The following GALNT17 variants were observed in gnomAD, a reference collection of about 807,000 sequenced individuals.
The protein encoded by GALNT17 is UDP-GalNAc:polypeptide N-acetylgalactosaminyltransferase-like 3.
A neutral mutation model predicts 63.7 loss-of-function variants in GALNT17; 29 were observed. That is an observed-to-expected ratio of 0.46 (90% CI 0.34 to 0.62). The LOEUF (loss-of-function observed/expected upper bound fraction) is 0.62. GALNT17 is among the 20% of genes least tolerant of loss of function. The probability of loss-of-function intolerance (pLI) is 0.01; values close to 1 mark genes in which losing one functional copy is unlikely to be tolerated. For synonymous variants in GALNT17, 305 were observed against 318.3 expected, an observed-to-expected ratio of 0.96 and a Z score of 0.45; for missense variants, 603 against 799.6, an observed-to-expected ratio of 0.75 and a Z score of 2.97.
At chr7:71,454,865 T>C (rs1181416717) in intron 5 of GALNT17, among the ~76,000 whole-genome samples, 1 of 152,092 alleles carries the variant, frequency 6.6e-6, no homozygotes, top group African/African-American at 2.4e-5. Context: ...CAGTGGTCTC[T>C]TATCAAGAAG....
intron 1 of GALNT17, among the ~76,000 whole-genome samples, chr7:71,200,120 C>T (rs945422196): frequency 2.0e-5 from 3 of 152,062 alleles, no homozygotes; most frequent in African/African-American, 7.2e-5. Flanking sequence ...TCAATTCCTT[C>T]CAAGGAAGCT....
intron 5 of GALNT17, among the ~76,000 whole-genome samples, chr7:71,506,841 G>C (rs1225875027): frequency 6.6e-6 from 1 of 152,208 alleles, no homozygotes; most frequent in Non-Finnish European, 1.5e-5. Flanking sequence ...CTTCCCATCT[G>C]TTAGGTTGGT....
At chr7:71,135,696 C>T (rs996623856) in intron 1 of GALNT17, among the ~76,000 whole-genome samples, 1 of 152,200 alleles carries the variant, frequency 6.6e-6, no homozygotes, top group Non-Finnish European at 1.5e-5. Flanking sequence ...GGCCCTCGAC[C>T]CACTGCCCAA....
chr7:71,476,007 A>G (rs1787717049), intron 5 of GALNT17, among the ~76,000 whole-genome samples: 1 of 152,148 alleles, frequency 6.6e-6, no homozygotes, highest in Non-Finnish European at 1.5e-5. Flanking sequence ...AATAATTATC[A>G]TCATCATCAT....
intron 1 of GALNT17, among the ~76,000 whole-genome samples, chr7:71,255,247 G>A (rs758430906): frequency 4.6e-5 from 7 of 152,192 alleles, no homozygotes; most frequent in Admixed American, 3.9e-4. Context: ...AATCATGCGG[G>A]TGGGTCTTTC....
At chr7:71,242,053 A>G (rs1374303816) in intron 1 of GALNT17, among the ~76,000 whole-genome samples, 1 of 151,996 alleles carries the variant, frequency 6.6e-6, no homozygotes, top group Non-Finnish European at 1.5e-5. Context: ...TGCATGTCAC[A>G]TGTTGAGAGG....
intron 1 of GALNT17, among the ~76,000 whole-genome samples, chr7:71,256,062 A>T (rs1018846751): frequency 2.0e-5 from 3 of 152,206 alleles, no homozygotes; most frequent in African/African-American, 7.2e-5. Context: ...TGGAGGCTTC[A>T]TCTGCATGAT....
chr7:71,200,349 A>G (rs1789143729), intron 1 of GALNT17, among the ~76,000 whole-genome samples: 1 of 152,134 alleles, frequency 6.6e-6, no homozygotes, highest in African/African-American at 2.4e-5. Context: ...ACCATTAGAG[A>G]GCACCCATGT....
At chr7:71,199,680 TCC>T (rs1450295004) in intron 1 of GALNT17, among the ~76,000 whole-genome samples, 1 of 91,298 alleles carries the variant, frequency 1.1e-5, no homozygotes, top group African/African-American at 5.6e-5. Context: ...CACCCATCCA[TCC>T]ATCCATCCAT....
intron 5 of GALNT17, among the ~76,000 whole-genome samples, chr7:71,488,284 G>A (rs1418494348): frequency 6.6e-6 from 1 of 152,012 alleles, no homozygotes; most frequent in Non-Finnish European, 1.5e-5. Context: ...TGGGATGTCT[G>A]GGCAGGCAAG....
At chr7:71,599,030 T>C (rs1789928345) in intron 6 of GALNT17, among the ~76,000 whole-genome samples, 1 of 151,954 alleles carries the variant, frequency 6.6e-6, no homozygotes, top group South Asian at 2.1e-4. Flanking sequence ...AATGGGTTTG[T>C]TGAGTTCCAG....
intron 6 of GALNT17, among the ~76,000 whole-genome samples, chr7:71,600,250 A>G (rs2116933255): frequency 6.8e-6 from 1 of 147,902 alleles, no homozygotes; most frequent in Admixed American, 6.8e-5. Flanking sequence ...TAGGGAAGGA[A>G]AAAAAAAAAA....
chr7:71,537,178 A>G (rs961463377), intron 5 of GALNT17, among the ~76,000 whole-genome samples: 4 of 151,998 alleles, frequency 2.6e-5, no homozygotes, highest in African/African-American at 9.7e-5. Context: ...CCATCCATCG[A>G]TTTTGTTTCA....
At chr7:71,638,369 G>C (rs767473339) in intron 6 of GALNT17, among the ~76,000 whole-genome samples, 1 of 152,110 alleles carries the variant, frequency 6.6e-6, no homozygotes, top group Non-Finnish European at 1.5e-5. Context: ...AGCCCAGTAG[G>C]TCTCAGCTTT....
intron 1 of GALNT17, among the ~76,000 whole-genome samples, chr7:71,225,462 C>T (rs1050321162): frequency 1.3e-5 from 2 of 152,212 alleles, no homozygotes; most frequent in Non-Finnish European, 2.9e-5. Context: ...GCTTCTTTGA[C>T]ATCTGAGATG....
At position 71,179,250 on chromosome 7, in the gene GALNT17, G is replaced by A. The variant is rs545245022; in HGVS notation, c.238+46210G>A. ...AGGTGAATCAGAAACTCAAAAGAAT[G>A]CAACCATTTGTGTCTTATCTACCTA... On this transcript the variant is annotated intron_variant, in intron 1 of 10. Coordinates refer to ENST00000333538, the MANE Select transcript of GALNT17 (RefSeq NM_022479.3). Among the ~76,000 whole-genome samples the A allele has an allele frequency of 1.7e-3, 255 of 152,278 alleles. 2 individuals carry two copies. Among genetic ancestry groups the A allele is most frequent in the Non-Finnish European group, 1.6e-3 (108 of 68,020 alleles).
At chr7:71,249,052 A>G (rs912179030) in intron 1 of GALNT17, among the ~76,000 whole-genome samples, 9 of 152,224 alleles carry the variant, frequency 5.9e-5, no homozygotes, top group Non-Finnish European at 1.0e-4. Flanking sequence ...TGTCATTATA[A>G]TGTTTGTATA....
In GALNT17 at chr7:71,606,151, C is replaced by T. The variant is rs187399361; in HGVS notation, c.1080+34749C>T. On this transcript the variant is annotated intron_variant, in intron 6 of 10. Coordinates refer to ENST00000333538, the MANE Select transcript of GALNT17 (RefSeq NM_022479.3). Reference sequence around the variant, plus strand: ...TTTTTTTTTTGTACAGACAGGGTTTCATTATGCTGCCCAGGCTGGTCTCAA... The same window carrying T: ...TTTTTTTTTTGTACAGACAGGGTTTTATTATGCTGCCCAGGCTGGTCTCAA... 6.5e-3 allele frequency among the ~76,000 whole-genome samples: 854 copies of T among 131,894 alleles called. 7 individuals are homozygous for T. The highest frequency in any genetic ancestry group is 0.023 in the African/African-American group (789 of 34,534). The allele number at this position is 131,894 out of a possible 152,430, so 86.5% of individuals were successfully genotyped here.
chr7:71,287,632 A>G (rs925913332), intron 1 of GALNT17, among the ~76,000 whole-genome samples: 1 of 152,202 alleles, frequency 6.6e-6, no homozygotes, highest in Non-Finnish European at 1.5e-5. Context: ...CTAATAGCCT[A>G]CTGTCAACTG....
Sources: allele counts gnomAD v4.1 joint callset (sites outside exome capture counted in the v4.1 genomes callset), GRCh38; gene constraint gnomAD v4.1.1; transcripts MANE v1.5; gene names NCBI Gene and HGNC (gene_info 2026-07-23, HGNC 2026-07-21).